The following GCNT2 variants were observed in gnomAD, a reference collection of about 807,000 sequenced individuals.
GCNT2 encodes the protein glucosaminyl (N-acetyl) transferase 2 (I blood group), also known as N-acetyllactosaminide beta-1,6-N-acetylglucosaminyl-transferase.
Under a neutral mutation model 34.2 loss-of-function variants are expected in GCNT2, and 34 were observed. The observed-to-expected ratio is 1.00, with a 90% CI of 0.76 to 1.32. The LOEUF (loss-of-function observed/expected upper bound fraction) is 1.32, where lower values mean the gene tolerates loss of function less well. GCNT2 is among the 40% of genes most tolerant of loss of function. The pLI, the probability that GCNT2 is intolerant of heterozygous loss-of-function variation, is 0.00. For missense variants in GCNT2, 584 were observed against 489.4 expected (o/e 1.19, Z -1.82); for synonymous variants, 212 against 188.0 (o/e 1.13, Z -1.04).
intron 3 of GCNT2, among the ~76,000 whole-genome samples, chr6:10,546,491 T>C (rs926451676): frequency 3.3e-5 from 5 of 152,050 alleles, no homozygotes; most frequent in South Asian, 2.1e-4. Flanking sequence ...ACCCTGTCTC[T>C]ACTAAAAATA....
intron 1 of GCNT2, among the ~76,000 whole-genome samples, chr6:10,522,564 G>A (rs1454690270): frequency 3.3e-5 from 5 of 152,268 alleles, no homozygotes; most frequent in African/African-American, 9.6e-5. Flanking sequence ...ACCCTACAGC[G>A]TAAAGGATCT....
At chr6:10,562,584 G>A (rs1000919550) in intron 3 of GCNT2, among the ~76,000 whole-genome samples, 4 of 148,862 alleles carry the variant, frequency 2.7e-5, no homozygotes, top group African/African-American at 9.9e-5. Flanking sequence ...AGGCATGGTG[G>A]TGTGCGCCTG....
chr6:10,575,906 T>C (rs548866179), intron 3 of GCNT2, among the ~76,000 whole-genome samples: 1 of 151,702 alleles, frequency 6.6e-6, no homozygotes, highest in East Asian at 1.9e-4. Context: ...AATTTTCCTT[T>C]ACCTACCCAA....
chr6:10,562,358 A>G (rs1253776975), intron 3 of GCNT2, among the ~76,000 whole-genome samples: 1 of 152,170 alleles, frequency 6.6e-6, no homozygotes, highest in Non-Finnish European at 1.5e-5. Flanking sequence ...GGGACAAGAA[A>G]TACTTTTTCC....
intron 3 of GCNT2, among the ~76,000 whole-genome samples, chr6:10,563,881 A>AG (rs1403517722): frequency 1.3e-5 from 2 of 149,890 alleles, no homozygotes; most frequent in Non-Finnish European, 3.0e-5. Flanking sequence ...CAAGGGAAGG[A>AG]GGTAGCACAT....
chr6:10,620,771 T>G (rs572872053), intron 3 of GCNT2, among the ~76,000 whole-genome samples: 1 of 152,316 alleles, frequency 6.6e-6, no homozygotes, highest in East Asian at 1.9e-4. Flanking sequence ...TATCCAAAAT[T>G]TATTTCATAG....
chr6:10,555,056 T>C (rs3756948), intron 3 of GCNT2, among the ~76,000 whole-genome samples: 30,186 of 152,118 alleles, frequency 0.2, 3,209 homozygotes, highest in East Asian at 0.3. Context: ...ATTCCATTCA[T>C]GGCAGGGTAG....
chr6:10,603,839 T>A (rs1434199797), intron 3 of GCNT2, among the ~76,000 whole-genome samples: 25 of 126,774 alleles, frequency 2.0e-4, no homozygotes, highest in East Asian at 1.5e-3. Flanking sequence ...TTTTTTTTTT[T>A]AATAATGCTA....
chr6:10,601,292 G>A (rs964659670), intron 3 of GCNT2, among the ~76,000 whole-genome samples: 5 of 152,106 alleles, frequency 3.3e-5, no homozygotes, highest in African/African-American at 1.2e-4. Flanking sequence ...AATTAAACTT[G>A]TACTTTTATT....
intron 3 of GCNT2, among the ~76,000 whole-genome samples, chr6:10,531,550 C>T (rs1314118100): frequency 6.6e-6 from 1 of 152,122 alleles, no homozygotes; most frequent in Non-Finnish European, 1.5e-5. Flanking sequence ...GGGGTGTAAA[C>T]CATTGCAGGT....
At chr6:10,552,526 T>A (rs549499498) in intron 3 of GCNT2, among the ~76,000 whole-genome samples, 1 of 152,172 alleles carries the variant, frequency 6.6e-6, no homozygotes, top group African/African-American at 2.4e-5. Flanking sequence ...CCCTAAGGAA[T>A]ACAGCATAAC....
Position 10,626,688 on chromosome 6 carries a change from G to A in GCNT2, c.*81G>A, listed in dbSNP as rs2230907. 2.4e-3 allele frequency: 2,594 copies of A among 1,059,312 alleles called. 42 individuals are homozygous for A. The African/African-American group carries it at 0.035, about 14-fold the overall frequency. 65.6% of individuals were successfully genotyped at this position (1,059,312 alleles called of 1,614,324 possible). A position where few individuals can be genotyped will look rare whatever the true frequency, so the allele number is the denominator to read the frequency against. On this transcript the variant is annotated 3_prime_UTR_variant, in exon 5 of 5. Transcript: ENST00000495262. ...GTTTTTGTGAGAGACTTTTGCCTTC[G>A]TAATGTTAACCGTTTCAGGACCACG...
intron 3 of GCNT2, among the ~76,000 whole-genome samples, chr6:10,582,278 A>G (rs1286022809): frequency 1.1e-5 from 1 of 89,414 alleles, no homozygotes; most frequent in East Asian, 2.2e-4. Context: ...TTAAATATAT[A>G]AATATATATA....
chr6:10,528,449 G>T, intron 2 of GCNT2, 182 bp from the exon 3 acceptor site: 1 of 211,168 alleles, frequency 4.7e-6, no homozygotes, highest in East Asian at 1.1e-4. Flanking sequence ...TGAACACAAT[G>T]ATTAACAGGA....
At chr6:10,594,938 C>G (rs1209149131) in intron 3 of GCNT2, among the ~76,000 whole-genome samples, 2 of 150,800 alleles carry the variant, frequency 1.3e-5, no homozygotes, top group African/African-American at 2.5e-5. Flanking sequence ...CTCGACTTCC[C>G]AGGCTCAAGC....
At chr6:10,565,045 A>T (rs1378714178) in intron 3 of GCNT2, among the ~76,000 whole-genome samples, 1 of 152,222 alleles carries the variant, frequency 6.6e-6, no homozygotes, top group Admixed American at 6.5e-5. Context: ...ACTGCCTCCC[A>T]AAATGAGAGT....
chr6:10,576,278 C>G (rs2127401844), intron 3 of GCNT2, among the ~76,000 whole-genome samples: 1 of 152,324 alleles, frequency 6.6e-6, no homozygotes, highest in African/African-American at 2.4e-5. Flanking sequence ...TAGGACACAG[C>G]CATGCATTGT....
intron 3 of GCNT2, among the ~76,000 whole-genome samples, chr6:10,577,617 TGA>T (rs1450139091): frequency 6.6e-6 from 1 of 152,200 alleles, no homozygotes; most frequent in Non-Finnish European, 1.5e-5. Context: ...CTCGGCTCCC[TGA>T]AACCTTCGCC....
intron 3 of GCNT2, among the ~76,000 whole-genome samples, chr6:10,594,636 T>C (rs1379195387): frequency 6.6e-6 from 1 of 152,220 alleles, no homozygotes; most frequent in African/African-American, 2.4e-5. Flanking sequence ...ATCCACTTAT[T>C]AATGTGAACA....
Sources: allele counts gnomAD v4.1 joint callset (sites outside exome capture counted in the v4.1 genomes callset), GRCh38; gene constraint gnomAD v4.1.1; transcripts MANE v1.5; gene names NCBI Gene and HGNC (gene_info 2026-07-23, HGNC 2026-07-21).